The following SSBP3 variants were observed in gnomAD, a reference collection of about 807,000 sequenced individuals.
SSBP3 encodes the protein single stranded DNA binding protein 3.
SSBP3 carries 5 observed loss-of-function variants against 69.6 expected under a neutral mutation model. The ratio of observed to expected loss-of-function variants is 0.07; its 90% CI spans 0.04 to 0.15. The LOEUF is 0.15. Among genes scored for constraint, SSBP3 ranks in the 10% least tolerant of loss-of-function variants. The pLI, the probability that SSBP3 is intolerant of heterozygous loss-of-function variation, is 1.00. For synonymous variants in SSBP3, 196 were observed against 193.4 expected (o/e 1.01, Z -0.11); for missense variants, 312 against 534.0 (o/e 0.58, Z 4.10).
intron 4 of SSBP3, among the ~76,000 whole-genome samples, chr1:54,285,746 AC>A (rs36008610): frequency 6.6e-6 from 1 of 151,898 alleles, no homozygotes; most frequent in Admixed American, 6.6e-5. Flanking sequence ...CAAAACCAAA[AC>A]CCCTGAAAAC....
chr1:54,383,073 A>G (rs556176223), intron 4 of SSBP3, among the ~76,000 whole-genome samples: 67 of 148,470 alleles, frequency 4.5e-4, no homozygotes, highest in African/African-American at 1.5e-3. Context: ...AAAGAAAAGA[A>G]AGAAAAGAAA....
intron 14 of SSBP3, among the ~76,000 whole-genome samples, chr1:54,229,596 C>A (rs1197967220): frequency 5.9e-5 from 9 of 152,216 alleles, no homozygotes; most frequent in Admixed American, 4.6e-4. Flanking sequence ...TTCTACCCAC[C>A]CACAAGCCTA....
At chr1:54,411,554 C>T (rs1198466643) in intron 1 of SSBP3, among the ~76,000 whole-genome samples, 2 of 151,818 alleles carry the variant, frequency 1.3e-5, no homozygotes, top group South Asian at 2.1e-4. Flanking sequence ...TTTGGGAGTC[C>T]GCGGCGGGAG....
intron 4 of SSBP3, among the ~76,000 whole-genome samples, chr1:54,337,267 C>A (rs976423973): frequency 6.6e-6 from 1 of 152,140 alleles, no homozygotes; most frequent in African/African-American, 2.4e-5. Flanking sequence ...CAGCCTCACA[C>A]ACACTCAGGT....
exon 18 of SSBP3, chr1:54,226,046 G>A (rs368904285): frequency 2.6e-5 from 4 of 152,380 alleles, no homozygotes; most frequent in South Asian, 2.1e-4. Context: ...ACGCTGATGC[G>A]AGGATCTCGG....
chr1:54,287,926 C>T (rs927960881), intron 4 of SSBP3, among the ~76,000 whole-genome samples: 2 of 152,098 alleles, frequency 1.3e-5, no homozygotes, highest in Non-Finnish European at 2.9e-5. Context: ...AACCAGCTGA[C>T]GTTAAAAATA....
At chr1:54,388,128 C>G (rs192104740) in intron 4 of SSBP3, among the ~76,000 whole-genome samples, 149 of 152,230 alleles carry the variant, frequency 9.8e-4, no homozygotes, top group African/African-American at 3.6e-3. Flanking sequence ...CAAACTGTCA[C>G]TGACATTTTT....
chr1:54,228,683 G>A, intron 15 of SSBP3, 65 bp downstream of exon 15: 7 of 1,531,562 alleles, frequency 4.6e-6, no homozygotes, highest in Non-Finnish European at 6.2e-6. Context: ...AGCTGAGCCA[G>A]GAGCTGAGGC....
rs182505617 is a variant in SSBP3, at chr1:54,302,110, C to T, written c.277-20583G>A. On this transcript the variant is annotated intron_variant, in intron 4 of 17. Transcript: ENST00000610401. ...TGCCTGCCACTCCCACTCATACCAT[C>T]GTCCCATGTGCGCAAGGACACCTTC... Among the ~76,000 whole-genome samples the T allele has an allele frequency of 1.1e-3, 166 of 152,334 alleles. 1 individual carries two copies. The highest frequency in any genetic ancestry group is 6.9e-4 in the Non-Finnish European group (47 of 68,036).
intron 7 of SSBP3, among the ~76,000 whole-genome samples, chr1:54,252,529 G>A (rs1644847630): frequency 3.8e-5 from 1 of 26,456 alleles, no homozygotes; most frequent in Non-Finnish European, 7.7e-5. Context: ...GGGACAGGTG[G>A]CCACTAGGAG....
At chr1:54,228,420 G>A (rs548151316) in intron 16 of SSBP3, 29 bp downstream of exon 16, 11 of 1,614,158 alleles carry the variant, frequency 6.8e-6, no homozygotes, top group Admixed American at 1.7e-5. Flanking sequence ...CAGATGGGGC[G>A]CCGCCAGGGA....
chr1:54,310,455 C>T (rs535990310), intron 4 of SSBP3, among the ~76,000 whole-genome samples: 7 of 152,250 alleles, frequency 4.6e-5, no homozygotes, highest in South Asian at 2.1e-4. Context: ...AGAGAGCCCA[C>T]GGACACACCT....
At chr1:54,405,477 A>G (rs555118325) in intron 1 of SSBP3, 83 of 158,080 alleles carry the variant, frequency 5.3e-4, no homozygotes, top group Non-Finnish European at 9.8e-4. Flanking sequence ...CAGGGAAGGG[A>G]GAGCGCTCCC....
intron 4 of SSBP3, among the ~76,000 whole-genome samples, chr1:54,372,839 G>A (rs1647156771): frequency 6.6e-6 from 1 of 152,174 alleles, no homozygotes; most frequent in African/African-American, 2.4e-5. Flanking sequence ...TTAACCCAGG[G>A]CCACACAGCT....
At chr1:54,227,186 G>GGGGC in intron 17 of SSBP3, 26 bp from the exon 18 acceptor site, 1 of 1,143,792 alleles carries the variant, frequency 8.7e-7, no homozygotes, top group Non-Finnish European at 1.3e-6. Context: ...AGAGAAGGGG[G>GGGGC]GGGGGTGAGG....
chr1:54,329,221 C>T (rs1166307424), intron 4 of SSBP3, among the ~76,000 whole-genome samples: 2 of 124,918 alleles, frequency 1.6e-5, no homozygotes, highest in Non-Finnish European at 3.2e-5. Context: ...GGCAAACAGC[C>T]TGTGACCCTG....
At chr1:54,251,949 G>A (rs1026569229) in intron 7 of SSBP3, 89 bp from the exon 8 acceptor site, 143 of 1,103,688 alleles carry the variant, frequency 1.3e-4, no homozygotes, top group Non-Finnish European at 1.6e-4. Flanking sequence ...CCAGTGCCCC[G>A]TGTGATCACG....
chr1:54,319,210 CTG>C lies in SSBP3; in HGVS notation c.277-37685_277-37684del, dbSNP rs930057478. On this transcript the variant is annotated intron_variant, in intron 4 of 17. Transcript: ENST00000610401. Reference sequence around the variant, plus strand: ...TATCCGCAGCCTACAGATGAGAAAACTGAGGCTCAGCGAAGAGCTAACATCCT... The same window carrying C: ...TATCCGCAGCCTACAGATGAGAAAACAGGCTCAGCGAAGAGCTAACATCCT... 1.0e-3 allele frequency among the ~76,000 whole-genome samples: 159 copies of C among 152,288 alleles called. 1 individual carries two copies. Among genetic ancestry groups the C allele is most frequent in the African/African-American group, 3.6e-3 (149 of 41,564 alleles).
intron 4 of SSBP3, among the ~76,000 whole-genome samples, chr1:54,362,365 G>T (rs1646963447): frequency 6.6e-6 from 1 of 152,180 alleles, no homozygotes; most frequent in African/African-American, 2.4e-5. Flanking sequence ...AGTCCCCAGG[G>T]TCTCTCTCTC....
Sources: allele counts gnomAD v4.1 joint callset (sites outside exome capture counted in the v4.1 genomes callset), GRCh38; gene constraint gnomAD v4.1.1; transcripts MANE v1.5; gene names NCBI Gene and HGNC (gene_info 2026-07-23, HGNC 2026-07-21).